UGT1A6: variants seen among roughly 807,000 people sequenced by gnomAD.
UGT1A6 encodes the protein UDP-glucuronosyltransferase 1A6.
A neutral mutation model predicts 44.4 loss-of-function variants in UGT1A6; 32 were observed. That is an observed-to-expected ratio of 0.72 (90% CI 0.54 to 0.97). The LOEUF is 0.97. UGT1A6 is among the 50% of genes least tolerant of loss of function. The pLI, the probability that UGT1A6 is intolerant of heterozygous loss-of-function variation, is 0.00. For missense variants in UGT1A6, 685 were observed against 661.9 expected (o/e 1.03, Z -0.38); for synonymous variants, 238 against 248.5 (o/e 0.96, Z 0.40).
chr2:233,706,284 C>T (rs1160416352), intron 1 of UGT1A6, among the ~76,000 whole-genome samples: 2 of 152,062 alleles, frequency 1.3e-5, no homozygotes, highest in East Asian at 1.9e-4. Flanking sequence ...AGGGGTGGGG[C>T]CCAGTGCCAG....
intron 1 of UGT1A6, among the ~76,000 whole-genome samples, chr2:233,745,254 T>TA (rs1247734907): frequency 2.6e-5 from 4 of 151,822 alleles, no homozygotes; most frequent in African/African-American, 9.7e-5. Flanking sequence ...TCGAAACCAT[T>TA]AAGACTTGCA....
In UGT1A6 at chr2:233,713,164, T is replaced by C. The variant is rs577803036; in HGVS notation, c.861+19299T>C. 359 of 1,614,206 alleles carry C rather than the reference T, an allele frequency of 2.2e-4. 2 individuals carry two copies. In the South Asian group the frequency reaches 3.5e-3, roughly 16 times the overall value. On this transcript the variant is annotated intron_variant, in intron 1 of 4. Coordinates refer to ENST00000305139, the MANE Select transcript of UGT1A6 (RefSeq NM_001072.4). ...GACCTCCATGCGAGAGGCCACCAGG[T>C]GGTGGTCCTCACCCTGGAGGTGAAT...
rs774677126 is a variant in UGT1A6, at chr2:233,772,538, C to T, written c.1578C>T (p.Ala526=). The change falls in exon 5 of 5, where the codon GCC becomes GCT. Residue 526 remains alanine (A), a synonymous_variant. Coordinates refer to ENST00000305139, the MANE Select transcript of UGT1A6 (RefSeq NM_001072.4). ...GGAAAAAAGGGCGAGTTAAGAAAGC[C>T]CACAAATCCAAGACCCATTGAGAAG... ...CLGKKGRVKK[A]HKSKTH is the part of the protein sequence containing the mutation. 4 of 1,614,040 alleles carry T rather than the reference C, an allele frequency of 2.5e-6. No individual in the cohort carries two copies. The highest frequency in any genetic ancestry group is 3.4e-6 in the Non-Finnish European group (4 of 1,179,978).
chr2:233,731,619 C>CT (rs1415396682), intron 1 of UGT1A6, among the ~76,000 whole-genome samples: 1 of 152,134 alleles, frequency 6.6e-6, no homozygotes, highest in Non-Finnish European at 1.5e-5. Context: ...TGAACTCATC[C>CT]TTTTTTATGG....
intron 1 of UGT1A6, chr2:233,719,609 G>A (rs758434623): frequency 1.2e-5 from 19 of 1,613,894 alleles, no homozygotes; most frequent in East Asian, 2.2e-5. Flanking sequence ...ACTTTGTGAT[G>A]GACTACCCCA....
intron 1 of UGT1A6, among the ~76,000 whole-genome samples, chr2:233,726,490 A>G (rs1018166677): frequency 6.6e-6 from 1 of 151,932 alleles, no homozygotes; most frequent in Non-Finnish European, 1.5e-5. Flanking sequence ...CTTTTTCCTT[A>G]TTAATTTTGG....
chr2:233,703,218 C>G (rs1053739567), intron 1 of UGT1A6, among the ~76,000 whole-genome samples: 7 of 152,130 alleles, frequency 4.6e-5, no homozygotes, highest in Non-Finnish European at 1.0e-4. Context: ...TCTAAGTTAT[C>G]TAATTCCTTG....
intron 1 of UGT1A6, among the ~76,000 whole-genome samples, chr2:233,724,618 G>T (rs1325870277): frequency 7.3e-6 from 1 of 137,158 alleles, no homozygotes; most frequent in South Asian, 2.8e-4. Context: ...GGGCAGAGAC[G>T]CTCCTCACTT....
At chr2:233,717,606 A>G (rs1201651374) in intron 1 of UGT1A6, among the ~76,000 whole-genome samples, 2 of 152,238 alleles carry the variant, frequency 1.3e-5, no homozygotes, top group Admixed American at 6.5e-5. Context: ...GAAAGTGGGC[A>G]CAGCCCAGAG....
chr2:233,742,512 C>A (rs924249262), intron 1 of UGT1A6, among the ~76,000 whole-genome samples: 2 of 151,876 alleles, frequency 1.3e-5, no homozygotes, highest in African/African-American at 4.9e-5. Context: ...ATCATGAACA[C>A]GTCACAGTGC....
rs1372667993 is a variant in UGT1A6 at position 233,718,421 on chromosome 2, A to G, written c.861+24556A>G. On this transcript the variant is annotated intron_variant, in intron 1 of 4. Coordinates refer to ENST00000305139, the MANE Select transcript of UGT1A6 (RefSeq NM_001072.4). Reference sequence around the variant, plus strand: ...AATAGCGTCACATTCAGCAGAGAACATGTGGTTGGGGACTAGGGCAATGGT... The same window carrying G: ...AATAGCGTCACATTCAGCAGAGAACGTGTGGTTGGGGACTAGGGCAATGGT... Among the ~76,000 whole-genome samples, 6 of 152,220 alleles carry G rather than the reference A, an allele frequency of 3.9e-5. No homozygotes were observed. The South Asian group carries it at 1.0e-3, about 26-fold the overall frequency.
At chr2:233,760,487 A>G (rs2125984867) in intron 1 of UGT1A6, 1 of 1,614,244 alleles carries the variant, frequency 6.2e-7, no homozygotes, top group Non-Finnish European at 8.5e-7. Context: ...GCCTCGTTGT[A>G]CATCAGAGAC....
upstream of UGT1A6, among the ~76,000 whole-genome samples, chr2:233,692,590 G>A (rs1014156032): frequency 6.6e-6 from 1 of 152,164 alleles, no homozygotes; most frequent in African/African-American, 2.4e-5. Flanking sequence ...GAATAGGTCC[G>A]TGTGCAAGAA....
intron 1 of UGT1A6, among the ~76,000 whole-genome samples, chr2:233,700,049 A>G (rs1170683742): frequency 6.6e-6 from 1 of 152,212 alleles, no homozygotes; most frequent in Non-Finnish European, 1.5e-5. Context: ...ATCAATTCCA[A>G]GTGAATCCAG....
At chr2:233,743,804 T>C (rs1692519610) in intron 1 of UGT1A6, 4 of 1,367,166 alleles carry the variant, frequency 2.9e-6, no homozygotes, top group Non-Finnish European at 2.9e-6. Context: ...TTCCTCCTTG[T>C]TCTCAGGGTT....
intron 1 of UGT1A6, chr2:233,719,291 T>C (rs2011404): frequency 0.85 from 1,366,998 of 1,613,952 alleles, 580,228 homozygotes; most frequent in East Asian, 0.99. Flanking sequence ...TTAACCTCTG[T>C]GGGGCGGTGC....
chr2:233,744,723 G>C (rs187577100), intron 1 of UGT1A6, among the ~76,000 whole-genome samples: 1 of 151,758 alleles, frequency 6.6e-6, no homozygotes, highest in African/African-American at 2.4e-5. Context: ...AGAGAATGAC[G>C]GTGAAAAAAT....
intron 1 of UGT1A6, chr2:233,754,765 T>C (rs1277866100): frequency 2.0e-6 from 2 of 992,196 alleles, no homozygotes; most frequent in African/African-American, 1.7e-5. Context: ...AGGCCCCCAC[T>C]TCCCAGGGAG....
intron 1 of UGT1A6, among the ~76,000 whole-genome samples, chr2:233,728,046 T>C (rs537522155): frequency 1.8e-4 from 28 of 152,360 alleles, no homozygotes; most frequent in Admixed American, 3.9e-4. Flanking sequence ...ATAAGCCTCA[T>C]TGGGCTTGAG....
Sources: allele counts gnomAD v4.1 joint callset (sites outside exome capture counted in the v4.1 genomes callset), GRCh38; gene constraint gnomAD v4.1.1; transcripts MANE v1.5; gene names NCBI Gene and HGNC (gene_info 2026-07-23, HGNC 2026-07-21).